CHCT1: variants seen among roughly 807,000 people sequenced by gnomAD.
The protein encoded by CHCT1 is CHD1 helical C-terminal domain containing 1.
chr17:60,430,122 C>CCTTTTTTTTTT, the CHCT1 span, among the ~76,000 whole-genome samples: 1 of 64,316 alleles, frequency 1.6e-5, no homozygotes, highest in African/African-American at 3.5e-5. Flanking sequence ...ACGCACCTGG[C>CCTTTTTTTTTT]TTTTTTTTTT....
the CHCT1 span, chr17:60,429,213 A>G: frequency 1.2e-6 from 1 of 805,852 alleles, no homozygotes. Flanking sequence ...TTTCTCTCCC[A>G]CATCTGTGAT....
the CHCT1 span, chr17:60,429,439 T>C: frequency 6.2e-7 from 1 of 1,614,116 alleles, no homozygotes; most frequent in African/African-American, 1.3e-5. Context: ...AGCTCTGCCA[T>C]GCATGGGGGC....
At chr17:60,431,141 G>A in the CHCT1 span, 5 of 1,385,884 alleles carry the variant, frequency 3.6e-6, no homozygotes, top group East Asian at 2.4e-5. Flanking sequence ...CTTACTATTT[G>A]TGATGTCATT....
At chr17:60,423,551 C>T in the CHCT1 span, among the ~76,000 whole-genome samples, 1 of 152,220 alleles carries the variant, frequency 6.6e-6, no homozygotes, top group African/African-American at 2.4e-5. Context: ...GCAACCTCCA[C>T]CTCCTGGGTT....
At chr17:60,429,521 C>T in the CHCT1 span, 1 of 1,614,198 alleles carries the variant, frequency 6.2e-7, no homozygotes, top group Non-Finnish European at 8.5e-7. Context: ...GAGCCCCCTG[C>T]CTGGGCAGCC....
the CHCT1 span, chr17:60,422,317 G>GC: frequency 4.8e-6 from 3 of 628,152 alleles, no homozygotes; most frequent in African/African-American, 1.9e-5. Context: ...GGCCTGCTGT[G>GC]CGCTCTGCCA....
chr17:60,427,301 T>A, the CHCT1 span, among the ~76,000 whole-genome samples: 1 of 152,212 alleles, frequency 6.6e-6, no homozygotes, highest in African/African-American at 2.4e-5. Context: ...GTGGTACTTC[T>A]GGGTTGTTGC....
chr17:60,429,615 T>C, the CHCT1 span: 2 of 1,554,882 alleles, frequency 1.3e-6, no homozygotes, highest in African/African-American at 1.4e-5. Flanking sequence ...GAGTGGTGTC[T>C]GGGTGTTTCC....
the CHCT1 span, chr17:60,422,145 A>C: frequency 6.6e-6 from 2 of 303,318 alleles, no homozygotes; most frequent in Non-Finnish European, 5.8e-6. Flanking sequence ...ATCAGAAAAG[A>C]ATTTTACAAA....
the CHCT1 span, among the ~76,000 whole-genome samples, chr17:60,428,526 C>G: frequency 1.3e-5 from 2 of 148,546 alleles, no homozygotes; most frequent in Non-Finnish European, 3.0e-5. Flanking sequence ...TTGCTCTTGT[C>G]CCCCAGGCTG....
chr17:60,421,229 G>C, the CHCT1 span: 1 of 418,574 alleles, frequency 2.4e-6, no homozygotes, highest in East Asian at 1.6e-4. Flanking sequence ...TAAGTGGAAG[G>C]TTTATTCCTC....
the CHCT1 span, among the ~76,000 whole-genome samples, chr17:60,425,611 A>G: frequency 6.6e-6 from 1 of 152,292 alleles, no homozygotes; most frequent in Admixed American, 6.5e-5. Flanking sequence ...CTAAGCAGAG[A>G]TTTTCAGAGA....
the CHCT1 span, chr17:60,422,013 T>TACCCAGCACCCAGC: frequency 2.2e-4 from 203 of 908,262 alleles, no homozygotes; most frequent in Middle Eastern, 5.8e-4. Context: ...TCCCACCCAG[T>TACCCAGCACCCAGC]ACCCAGCACC....
At chr17:60,422,032 A>AGCACCCG in the CHCT1 span, 30 of 846,952 alleles carry the variant, frequency 3.5e-5, no homozygotes, top group African/African-American at 5.3e-4. Context: ...CCCAGCACCC[A>AGCACCCG]GCACGGAGGG....
chr17:60,422,513 T>TA, the CHCT1 span: 1 of 1,542,814 alleles, frequency 6.5e-7, no homozygotes, highest in African/African-American at 1.4e-5. Context: ...CTGAGACGGC[T>TA]AGGTCACAGA....
the CHCT1 span, chr17:60,421,735 G>A: frequency 2.9e-5 from 23 of 797,516 alleles, no homozygotes; most frequent in Non-Finnish European, 3.5e-5. Flanking sequence ...GACTACACCC[G>A]GACTCTGCCC....
At chr17:60,426,884 G>A in the CHCT1 span, 2 of 1,540,144 alleles carry the variant, frequency 1.3e-6, no homozygotes, top group Non-Finnish European at 1.7e-6. Flanking sequence ...GACTTGCGGG[G>A]AGGCCTGGGA....
the CHCT1 span, chr17:60,421,367 C>T: frequency 1.0e-6 from 1 of 985,372 alleles, no homozygotes; most frequent in Non-Finnish European, 1.2e-6. Flanking sequence ...TCCGGGCTAC[C>T]CCTACTTGAA....
chr17:60,430,146 T>C, the CHCT1 span, among the ~76,000 whole-genome samples: 1 of 139,356 alleles, frequency 7.2e-6, no homozygotes, highest in Non-Finnish European at 1.5e-5. Flanking sequence ...TTTTTTTTTT[T>C]TTACATTCCT....
Sources: allele counts gnomAD v4.1 joint callset (sites outside exome capture counted in the v4.1 genomes callset), GRCh38; gene constraint gnomAD v4.1.1; transcripts MANE v1.5; gene names NCBI Gene and HGNC (gene_info 2026-07-23, HGNC 2026-07-21).